NAALADL2: variants seen among roughly 807,000 people sequenced by gnomAD.
NAALADL2 encodes inactive N-acetylated-alpha-linked acidic dipeptidase-like protein 2.
A neutral mutation model predicts 87.2 loss-of-function variants in NAALADL2; 76 were observed. The ratio of observed to expected loss-of-function variants is 0.87; its 90% confidence interval spans 0.72 to 1.05. The LOEUF (loss-of-function observed/expected upper bound fraction) is 1.05, where lower values mean the gene tolerates loss of function less well. Ranked by LOEUF, NAALADL2 falls within the 50% of genes least tolerant of loss-of-function variation. NAALADL2 has a pLI of 0.00. For missense variants in NAALADL2, 1,089 were observed against 945.8 expected, an observed-to-expected ratio of 1.15 and a Z score of -1.99; for synonymous variants, 354 against 331.0, an observed-to-expected ratio of 1.07 and a Z score of -0.75.
chr3:175,290,599 A>G (rs1755530511), intron 4 of NAALADL2, among the ~76,000 whole-genome samples: 1 of 152,214 alleles, frequency 6.6e-6, no homozygotes, highest in South Asian at 2.1e-4. Context: ...ATTTTATAAT[A>G]TGAAAATTAT....
chr3:175,718,339 A>G (rs1741688255), intron 11 of NAALADL2: 1 of 1,601,558 alleles, frequency 6.2e-7, no homozygotes, highest in East Asian at 2.2e-5. Flanking sequence ...GAATTCTGCC[A>G]TTTTGCTAGC....
intron 4 of NAALADL2, among the ~76,000 whole-genome samples, chr3:175,306,108 T>A (rs1163817899): frequency 6.6e-6 from 1 of 152,092 alleles, no homozygotes; most frequent in African/African-American, 2.4e-5. Context: ...TCCAGCTTAC[T>A]CAATGTTCAT....
At position 175,754,315 on chromosome 3, in the gene NAALADL2, G is replaced by A. The variant is rs2150130870; in HGVS notation, c.1991-905G>A. ...GCAGGGATTTAAACTCAAGTGGACT[G>A]GCTCTAGAGTTCAGCGGACAACTAT... On this transcript the variant is annotated intron_variant, in intron 12 of 13. Coordinates refer to ENST00000454872, the MANE Select transcript of NAALADL2 (RefSeq NM_207015.3). Among the ~76,000 whole-genome samples, 5 of 152,254 alleles carry A rather than the reference G, an allele frequency of 3.3e-5. 1 individual carries two copies. In the Middle Eastern group the frequency reaches 0.017, roughly 518 times the overall value.
chr3:175,392,649 T>A (rs1769220484), intron 5 of NAALADL2, among the ~76,000 whole-genome samples: 1 of 152,226 alleles, frequency 6.6e-6, no homozygotes, highest in Non-Finnish European at 1.5e-5. Context: ...GATTTCCCAT[T>A]GTTTCTTTCC....
At chr3:175,072,516 T>A (rs751638044) in intron 1 of NAALADL2, among the ~76,000 whole-genome samples, 3 of 151,676 alleles carry the variant, frequency 2.0e-5, no homozygotes, top group Non-Finnish European at 2.9e-5. Flanking sequence ...TTCCCTCTCT[T>A]GATTCTATAT....
At chr3:174,689,599 C>G (rs1231306157) in intron 2 of NAALADL2, among the ~76,000 whole-genome samples, 2 of 151,114 alleles carry the variant, frequency 1.3e-5, no homozygotes, top group East Asian at 3.9e-4. Context: ...CCAGGTAGTT[C>G]TCCTCTATAT....
At chr3:175,049,457 T>C (rs1228571082) in intron 1 of NAALADL2, among the ~76,000 whole-genome samples, 2 of 152,178 alleles carry the variant, frequency 1.3e-5, no homozygotes, top group African/African-American at 2.4e-5. Context: ...GCCTAAAAAA[T>C]AGACGCAGAC....
intron 2 of NAALADL2, among the ~76,000 whole-genome samples, chr3:175,205,522 A>G (rs1740684926): frequency 6.6e-6 from 1 of 152,200 alleles, no homozygotes; most frequent in Non-Finnish European, 1.5e-5. Context: ...AAACCTTTCT[A>G]GATATTGGCT....
At position 175,442,616 on chromosome 3, in the gene NAALADL2, T is replaced by C. The variant is rs769330322; in HGVS notation, c.1091-4613T>C. On this transcript the variant is annotated intron_variant, in intron 5 of 13. Transcript: ENST00000454872. ...TTCAAACAGTGAGTCAATGATGGAG[T>C]CAGGCTTAGGACTTTGTTTATCCAA... Among the ~76,000 whole-genome samples the C allele has an allele frequency of 3.2e-4, 49 of 152,126 alleles. 1 individual carries two copies. Among genetic ancestry groups the C allele is most frequent in the Non-Finnish European group, 5.9e-4 (40 of 68,024 alleles).
At chr3:174,805,197 C>G (rs1033307485) in intron 3 of NAALADL2, among the ~76,000 whole-genome samples, 1 of 152,010 alleles carries the variant, frequency 6.6e-6, no homozygotes, top group African/African-American at 2.4e-5. Flanking sequence ...AAGGTAAAAC[C>G]AAGTGGTTGC....
chr3:175,381,546 G>A (rs1767785174), intron 5 of NAALADL2, among the ~76,000 whole-genome samples: 1 of 151,726 alleles, frequency 6.6e-6, no homozygotes, highest in South Asian at 2.1e-4. Context: ...TATGTTTTAA[G>A]TGCTCTTTTT....
intron 2 of NAALADL2, among the ~76,000 whole-genome samples, chr3:175,116,993 C>G (rs1023812900): frequency 1.1e-4 from 17 of 152,024 alleles, no homozygotes; most frequent in South Asian, 6.2e-4. Context: ...ACAAACCTGA[C>G]AAAAACAAGA....
intron 1 of NAALADL2, among the ~76,000 whole-genome samples, chr3:174,942,805 T>C (rs2108476712): frequency 6.6e-6 from 1 of 152,352 alleles, no homozygotes; most frequent in African/African-American, 2.4e-5. Flanking sequence ...TCTGAGATTC[T>C]TTCCTCAGCT....
chr3:175,327,875 A>T (rs374383412), intron 5 of NAALADL2, among the ~76,000 whole-genome samples: 7 of 152,214 alleles, frequency 4.6e-5, no homozygotes, highest in African/African-American at 7.2e-5. Context: ...TGAATCAAAG[A>T]ATAGATATTT....
chr3:175,185,345 T>A lies in NAALADL2; in HGVS notation c.546-48586T>A, dbSNP rs150244727. On this transcript the variant is annotated intron_variant, in intron 2 of 13. Transcript: ENST00000454872. ...TATGCACAAGATGTATGCAAAATAC[T>A]TTTAACAGTGTAGTTTATAAAAGAA... Among the ~76,000 whole-genome samples the A allele has an allele frequency of 2.3e-3, 346 of 152,152 alleles. 2 individuals carry two copies. The highest frequency in any genetic ancestry group is 8.0e-3 in the African/African-American group (333 of 41,562).
intron 5 of NAALADL2, among the ~76,000 whole-genome samples, chr3:175,406,064 G>A (rs1286273201): frequency 3.3e-5 from 5 of 152,176 alleles, no homozygotes. Context: ...TATAGCCGGT[G>A]TTGCAGTACA....
chr3:174,808,907 A>G (rs140598895), intron 3 of NAALADL2, among the ~76,000 whole-genome samples: 26 of 151,948 alleles, frequency 1.7e-4, no homozygotes, highest in African/African-American at 6.3e-4. Flanking sequence ...TATGAAATCT[A>G]TCCAGACTTT....
chr3:174,957,039 C>T (rs1249562366), intron 1 of NAALADL2, among the ~76,000 whole-genome samples: 2 of 151,898 alleles, frequency 1.3e-5, no homozygotes, highest in African/African-American at 4.8e-5. Context: ...TGCTGTGGGT[C>T]TCCCTGTTCT....
chr3:174,737,607 C>T (rs1733349509), intron 2 of NAALADL2: 1 of 152,080 alleles, frequency 6.6e-6, no homozygotes, highest in African/African-American at 2.4e-5. Flanking sequence ...TGATGCGGTT[C>T]CCAATTTAAC....
Sources: allele counts gnomAD v4.1 joint callset (sites outside exome capture counted in the v4.1 genomes callset), GRCh38; gene constraint gnomAD v4.1.1; transcripts MANE v1.5; gene names NCBI Gene and HGNC (gene_info 2026-07-23, HGNC 2026-07-21).